EYA4: variants seen among roughly 807,000 people sequenced by gnomAD.
The protein encoded by EYA4 is protein phosphatase EYA4.
Under a neutral mutation model 87.9 loss-of-function variants are expected in EYA4, and 31 were observed. That is an observed-to-expected ratio of 0.35 (90% CI 0.27 to 0.48). The LOEUF (loss-of-function observed/expected upper bound fraction) is 0.48. EYA4 is among the 20% of genes least tolerant of loss of function. EYA4 has a pLI of 0.99. For missense variants in EYA4, 678 were observed against 761.4 expected (o/e 0.89, Z 1.29); for synonymous variants, 263 against 270.6 (o/e 0.97, Z 0.28).
Position 133,529,097 on chromosome 6 carries a change from A to G in EYA4, c.*292A>G. On this transcript the variant is annotated 3_prime_UTR_variant, in exon 20 of 20. Transcript: ENST00000355286. ...CCAAACTGGAATGAGCAGCTTTAGC[A>G]AAGAACTCTTACCCTGGCAAAGCAG... is the stretch of plus-strand genomic sequence containing the variant. The G allele has an allele frequency of 8.4e-7, 1 of 1,195,086 alleles. No individual in the cohort carries two copies. Among genetic ancestry groups the G allele is most frequent in the Non-Finnish European group, 1.0e-6 (1 of 953,486 alleles). 74.0% of individuals were successfully genotyped at this position (1,195,086 alleles called of 1,614,324 possible). A position where few individuals can be genotyped will look rare whatever the true frequency, so the allele number is the denominator to read the frequency against.
Position 133,384,700 on chromosome 6 carries a change from ATG to A in EYA4, c.83+2262_83+2263del, listed in dbSNP as rs139686668. Among the ~76,000 whole-genome samples, 864 of 152,310 alleles carry A rather than the reference ATG, an allele frequency of 5.7e-3. 2 individuals carry two copies. Among genetic ancestry groups the A allele is most frequent in the South Asian group, 0.019 (91 of 4,822 alleles). On this transcript the variant is annotated intron_variant, in intron 3 of 19. Transcript: ENST00000355286. ...GTCAATATCTATCAATAACATAAAA[ATG>A]TGACTGTTCTTGGATCCTGTATTTA...
chr6:133,307,939 A>G (rs893687107), intron 2 of EYA4, among the ~76,000 whole-genome samples: 2 of 152,032 alleles, frequency 1.3e-5, no homozygotes, highest in South Asian at 2.1e-4. Flanking sequence ...TGATTGAATC[A>G]TGGGGGTGGG....
chr6:133,319,522 T>C (rs1780889230), intron 2 of EYA4, among the ~76,000 whole-genome samples: 2 of 151,756 alleles, frequency 1.3e-5, no homozygotes, highest in Admixed American at 6.6e-5. Flanking sequence ...TTTTTTTTTT[T>C]ACCAGTCTTA....
chr6:133,403,967 A>G (rs1788481522), intron 3 of EYA4, among the ~76,000 whole-genome samples: 1 of 152,002 alleles, frequency 6.6e-6, no homozygotes, highest in Non-Finnish European at 1.5e-5. Context: ...TGCGTGTGCC[A>G]CCACACCTGG....
At chr6:133,242,395 G>A (rs781062929) in intron 1 of EYA4, among the ~76,000 whole-genome samples, 1 of 152,184 alleles carries the variant, frequency 6.6e-6, no homozygotes, top group Non-Finnish European at 1.5e-5. Flanking sequence ...TGCCAGGGTC[G>A]GTGAAATTAG....
At chr6:133,502,775 T>C (rs1392573742) in intron 13 of EYA4, 1 of 151,718 alleles carries the variant, frequency 6.6e-6, no homozygotes, top group Admixed American at 6.6e-5. Flanking sequence ...CAGGCATGGT[T>C]TTCCTTGGCT....
chr6:133,406,211 T>C (rs1266142149), intron 3 of EYA4, among the ~76,000 whole-genome samples: 1 of 152,180 alleles, frequency 6.6e-6, no homozygotes, highest in African/African-American at 2.4e-5. Context: ...GTAAAATCTA[T>C]TAGATATAGT....
Position 133,531,658 on chromosome 6 carries a change from C to T in EYA4, c.*2853C>T. The T allele has an allele frequency of 6.3e-6, 1 of 158,026 alleles. No individual in the cohort carries two copies. Among genetic ancestry groups the T allele is most frequent in the Non-Finnish European group, 1.4e-5 (1 of 71,878 alleles). 9.8% of individuals were successfully genotyped at this position (158,026 alleles called of 1,614,324 possible). ...AGCATACAATTAGGACACTATGCCC[C>T]TGCAAAATTTTGTAAATCAAATTCA... On this transcript the variant is annotated 3_prime_UTR_variant, in exon 20 of 20. Transcript: ENST00000355286.
At chr6:133,466,638 G>A (rs867630997) in intron 10 of EYA4, among the ~76,000 whole-genome samples, 1 of 152,156 alleles carries the variant, frequency 6.6e-6, no homozygotes, top group Middle Eastern at 3.4e-3. Context: ...TTTATATAAG[G>A]CTTCTCTATG....
chr6:133,285,500 A>G, intron 2 of EYA4, among the ~76,000 whole-genome samples: 1 of 152,338 alleles, frequency 6.6e-6, no homozygotes, highest in South Asian at 2.1e-4. Context: ...CAGCATGGGC[A>G]TGTGAGGGTG....
At chr6:133,343,520 C>CA (rs1194628726) in intron 2 of EYA4, among the ~76,000 whole-genome samples, 8 of 151,508 alleles carry the variant, frequency 5.3e-5, no homozygotes, top group South Asian at 2.1e-4. Flanking sequence ...CAGATAGCCT[C>CA]CCCCTAGCTC....
intron 19 of EYA4, chr6:133,525,933 C>T: frequency 1.0e-6 from 1 of 985,320 alleles, no homozygotes; most frequent in Non-Finnish European, 1.2e-6. Context: ...AGAGTTTCAT[C>T]TGTTTTGGTG....
intron 3 of EYA4, among the ~76,000 whole-genome samples, chr6:133,403,183 T>C (rs754796192): frequency 5.3e-5 from 8 of 151,464 alleles, no homozygotes; most frequent in Non-Finnish European, 4.4e-5. Context: ...AAAATTAAAA[T>C]GTGATTACAC....
intron 3 of EYA4, among the ~76,000 whole-genome samples, chr6:133,390,367 C>T (rs185600392): frequency 6.6e-6 from 1 of 152,080 alleles, no homozygotes; most frequent in African/African-American, 2.4e-5. Flanking sequence ...CTACAGGCGC[C>T]CCCGCCACCA....
intron 16 of EYA4, among the ~76,000 whole-genome samples, 180 bp from the exon 17 acceptor site, chr6:133,515,141 G>A (rs567566598): frequency 6.6e-4 from 101 of 152,264 alleles, no homozygotes; most frequent in African/African-American, 1.9e-3. Flanking sequence ...ATTCATTGAC[G>A]GAATCAATGG....
chr6:133,434,647 A>C (rs1791490486), intron 3 of EYA4, among the ~76,000 whole-genome samples: 1 of 152,148 alleles, frequency 6.6e-6, no homozygotes, highest in South Asian at 2.1e-4. Flanking sequence ...ACAATATTCC[A>C]TTTTGCTTTT....
intron 2 of EYA4, among the ~76,000 whole-genome samples, chr6:133,279,717 G>A (rs551883613): frequency 2.0e-5 from 3 of 152,064 alleles, no homozygotes; most frequent in Middle Eastern, 3.4e-3. Context: ...TTAGTCCTCA[G>A]ATCTTTGTTC....
At chr6:133,246,305 T>A (rs1249096461) in intron 1 of EYA4, among the ~76,000 whole-genome samples, 1 of 152,160 alleles carries the variant, frequency 6.6e-6, no homozygotes, top group Admixed American at 6.5e-5. Flanking sequence ...GAAATTCTCA[T>A]TTTTTTCCAA....
chr6:133,424,515 C>A (rs1562403908), intron 3 of EYA4, among the ~76,000 whole-genome samples: 1 of 152,180 alleles, frequency 6.6e-6, no homozygotes. Context: ...AAACACCCCC[C>A]CCCCAGCCTA....
Sources: gnomAD v4.1 joint callset for allele counts (sites outside exome capture counted in the v4.1 genomes callset) on GRCh38, gnomAD v4.1.1 for gene constraint, MANE v1.5 for transcripts, NCBI Gene and HGNC (gene_info 2026-07-23, HGNC 2026-07-21) for gene names.